The following CCNG2 variants were observed in gnomAD, a reference collection of about 807,000 sequenced individuals.
The protein encoded by CCNG2 is cyclin G2, also known as cyclin-G2.
Under a neutral mutation model 36.5 loss-of-function variants are expected in CCNG2, and 20 were observed. That is an observed-to-expected ratio of 0.55 (90% CI 0.39 to 0.80). CCNG2 has a LOEUF of 0.80. Among genes scored for constraint, CCNG2 ranks in the 30% least tolerant of loss-of-function variants. The pLI, the probability that CCNG2 is intolerant of heterozygous loss-of-function variation, is 0.00. For synonymous variants in CCNG2, 155 were observed against 140.1 expected, an observed-to-expected ratio of 1.11 and a Z score of -0.75; for missense variants, 358 against 390.8, an observed-to-expected ratio of 0.92 and a Z score of 0.71.
rs1241868587 is a variant in CCNG2 at position 77,165,782 on chromosome 4, T to G, written c.912-19T>G. The stretch of plus-strand genomic sequence containing the variant: ...TTTAAGTAATGGTATCCTCTTTTTT[T>G]GTCTCTTTTTCTCTTTAGTGAGGAC... On this transcript the variant is annotated intron_variant, in intron 7 of 7. Transcript: ENST00000316355. The G allele has an allele frequency of 1.3e-6, 2 of 1,533,836 alleles. No individual in the cohort carries two copies. Among genetic ancestry groups the G allele is most frequent in the Non-Finnish European group, 1.8e-6 (2 of 1,142,618 alleles).
rs753514383 is a variant in CCNG2 at position 77,164,261 on chromosome 4, A to G, written c.706-13A>G. ...AGACATTGCCGTAACCTCTTAAAAT[A>G]TTTTTTTTTCAGATTAATGACACTG... On this transcript the variant is annotated splice_polypyrimidine_tract_variant and intron_variant, in intron 6 of 7. Transcript: ENST00000316355. 1 of 1,585,078 alleles carries G rather than the reference A, an allele frequency of 6.3e-7. No homozygotes were observed. The highest frequency in any genetic ancestry group is 8.6e-7 in the Non-Finnish European group (1 of 1,156,390).
At chr4:77,160,539 G>T (rs897144072) in intron 3 of CCNG2, among the ~76,000 whole-genome samples, 182 bp from the exon 4 acceptor site, 27 of 149,654 alleles carry the variant, frequency 1.8e-4, no homozygotes, top group African/African-American at 5.4e-4. Context: ...TTTGGGGGGG[G>T]GGGGAGGTCG....
In CCNG2 at chr4:77,166,515, G is replaced by A. The variant is rs1731638563; in HGVS notation, c.*591G>A. On this transcript the variant is annotated 3_prime_UTR_variant, in exon 8 of 8. Transcript: ENST00000316355. ...TGACATTTCTGTGATTTTTATATAT[G>A]TAATGTCTTAATTGAGATTTCTGTT... 6.6e-6 allele frequency: 1 copy of A among 152,160 alleles called. No individual in the cohort carries two copies. Among genetic ancestry groups the A allele is most frequent in the Admixed American group, 6.5e-5 (1 of 15,282 alleles). 9.4% of individuals were successfully genotyped at this position (152,160 alleles called of 1,614,324 possible). A position where few individuals can be genotyped will look rare whatever the true frequency, so the allele number is the denominator to read the frequency against.
intron 1 of CCNG2, 82 bp downstream of exon 1, chr4:77,157,588 G>A (rs894197812): frequency 1.3e-5 from 2 of 152,610 alleles, no homozygotes; most frequent in African/African-American, 4.8e-5. Flanking sequence ...GGTACCATGC[G>A]AGTGCCTCGG....
Position 77,168,240 on chromosome 4 carries a change from C to CTT in CCNG2, c.*2317_*2318insTT, listed in dbSNP as rs934914791. On this transcript the variant is annotated 3_prime_UTR_variant, in exon 8 of 8. Coordinates refer to ENST00000316355, the MANE Select transcript of CCNG2 (RefSeq NM_004354.3). ...GCCTGTTTATGGAGGTCACCAGCCT[C>CTT]TATCATTTGTATGATTTCGTTTACA... is the stretch of plus-strand genomic sequence containing the variant. 12 of 152,364 alleles carry CTT rather than the reference C, an allele frequency of 7.9e-5. No homozygotes were observed. The highest frequency in any genetic ancestry group is 2.2e-4 in the African/African-American group (9 of 41,582). 9.4% of individuals were successfully genotyped at this position (152,364 alleles called of 1,614,324 possible). A position where few individuals can be genotyped will look rare whatever the true frequency, so the allele number is the denominator to read the frequency against.
intron 3 of CCNG2, among the ~76,000 whole-genome samples, 187 bp from the exon 4 acceptor site, chr4:77,160,534 G>A (rs529151434): frequency 2.0e-5 from 3 of 148,024 alleles, no homozygotes; most frequent in Non-Finnish European, 4.5e-5. Context: ...TTTTTTTTGG[G>A]GGGGGGGGGA....
At chr4:77,162,476 G>A (rs1731507112) in intron 6 of CCNG2, among the ~76,000 whole-genome samples, 1 of 149,600 alleles carries the variant, frequency 6.7e-6, no homozygotes, top group African/African-American at 2.5e-5. Flanking sequence ...TCAGCCTCTC[G>A]GGTTCAAGTG....
At chr4:77,159,930 C>G (rs945803548) in intron 3 of CCNG2, among the ~76,000 whole-genome samples, 1 of 152,126 alleles carries the variant, frequency 6.6e-6, no homozygotes, top group Non-Finnish European at 1.5e-5. Context: ...AGCAGGGAGC[C>G]ATGGTTTTAT....
rs536343544 is a variant in CCNG2, at chr4:77,162,408, A to G, written c.705+661A>G. ...TTTTTTTTTTTTTTTTTTTTGAGACAGTCTTGCTCTGTTGCCCAAGCTAGA... is the reference window on the plus strand; with the variant it reads ...TTTTTTTTTTTTTTTTTTTTGAGACGGTCTTGCTCTGTTGCCCAAGCTAGA... On this transcript the variant is annotated intron_variant, in intron 6 of 7. Transcript: ENST00000316355. Among the ~76,000 whole-genome samples, 3 of 115,076 alleles carry G rather than the reference A, an allele frequency of 2.6e-5. No individual in the cohort carries two copies. In the South Asian group the frequency reaches 8.1e-4, roughly 31 times the overall value. The allele number at this position is 115,076 out of a possible 152,430, so 75.5% of individuals were successfully genotyped here. A position where few individuals can be genotyped will look rare whatever the true frequency, so the allele number is the denominator to read the frequency against.
intron 4 of CCNG2, 51 bp downstream of exon 4, chr4:77,161,022 C>A: frequency 3.8e-6 from 5 of 1,305,882 alleles, no homozygotes; most frequent in Non-Finnish European, 3.1e-6. Context: ...CTATAGCTAA[C>A]AGTAAATAAT....
intron 3 of CCNG2, among the ~76,000 whole-genome samples, chr4:77,160,358 AC>A (rs1253702757): frequency 8.9e-6 from 1 of 112,762 alleles, no homozygotes; most frequent in Non-Finnish European, 1.7e-5. Context: ...GGTTCAAAAA[AC>A]TTTTTTTTTT....
chr4:77,158,413 G>A lies in CCNG2; in HGVS notation c.1-120G>A, dbSNP rs1022199773. ...GCGGACGTGACTGGTCCCTTCACCC[G>A]CTCCTTGTCGGGGTGTGCTGGGGCG... On this transcript the variant is annotated intron_variant, in intron 1 of 7. Transcript: ENST00000316355. 4 of 951,022 alleles carry A rather than the reference G, an allele frequency of 4.2e-6. No individual in the cohort carries two copies. In the Admixed American group the frequency reaches 6.1e-5, roughly 15 times the overall value. The allele number at this position is 951,022 out of a possible 1,614,324, so 58.9% of individuals were successfully genotyped here. A position where few individuals can be genotyped will look rare whatever the true frequency, so the allele number is the denominator to read the frequency against.
At chr4:77,159,220 C>A in intron 2 of CCNG2, 147 bp from the exon 3 acceptor site, 1 of 643,286 alleles carries the variant, frequency 1.6e-6, no homozygotes, top group Non-Finnish European at 2.6e-6. Flanking sequence ...TAAGCGATAC[C>A]ACTCTTTCCA....
At chr4:77,160,023 G>A (rs4150062) in intron 3 of CCNG2, among the ~76,000 whole-genome samples, 4 of 151,996 alleles carry the variant, frequency 2.6e-5, no homozygotes, top group African/African-American at 7.3e-5. Context: ...CAGTTCTCAG[G>A]GCACTGAAAA....
chr4:77,157,215 C>G lies in CCNG2; in HGVS notation c.-292C>G, dbSNP rs2109911539. 6.6e-6 allele frequency: 1 copy of G among 152,296 alleles called. No homozygotes were observed. Among genetic ancestry groups the G allele is most frequent in the Non-Finnish European group, 1.5e-5 (1 of 68,042 alleles). 9.4% of individuals were successfully genotyped at this position (152,296 alleles called of 1,614,324 possible). ...CCCTTGGGGGCGTCGAAACTCTTAA[C>G]AAAAACAAGGGGCTCGGGGAGGTTT... On this transcript the variant is annotated 5_prime_UTR_variant, in exon 1 of 8. Coordinates refer to ENST00000316355, the MANE Select transcript of CCNG2 (RefSeq NM_004354.3).
At chr4:77,161,216 C>T (rs1327675113) in intron 4 of CCNG2, among the ~76,000 whole-genome samples, 1 of 150,902 alleles carries the variant, frequency 6.6e-6, no homozygotes, top group Admixed American at 6.6e-5. Context: ...GATTCTCCTG[C>T]GTCAGCCTCC....
intron 6 of CCNG2, 77 bp downstream of exon 6, chr4:77,161,824 G>T (rs1376944270): frequency 2.4e-6 from 2 of 845,798 alleles, no homozygotes; most frequent in Non-Finnish European, 3.8e-6. Flanking sequence ...TAAACATTAA[G>T]TAATACTTTA....
Position 77,166,163 on chromosome 4 carries a change from T to G in CCNG2, c.*239T>G, listed in dbSNP as rs1731629902. ...AGACATTGGCACTTTATTTTTCTCG[T>G]AGATCTTTAGCTACTTTGGGGAGGA... On this transcript the variant is annotated 3_prime_UTR_variant, in exon 8 of 8. Coordinates refer to ENST00000316355, the MANE Select transcript of CCNG2 (RefSeq NM_004354.3). 3.4e-6 allele frequency: 1 copy of G among 293,346 alleles called. No homozygotes were observed. The allele number at this position is 293,346 out of a possible 1,614,324, so 18.2% of individuals were successfully genotyped here. A position where few individuals can be genotyped will look rare whatever the true frequency, so the allele number is the denominator to read the frequency against.
At position 77,159,367 on chromosome 4, in the gene CCNG2, AATG is replaced by A. The variant is rs781625967; in HGVS notation, c.142_144del (p.Asp48del). 1.4e-5 allele frequency: 23 copies of A among 1,602,422 alleles called. No individual in the cohort carries two copies. The highest frequency in any genetic ancestry group is 2.0e-5 in the Non-Finnish European group (23 of 1,174,892). On this transcript the variant is annotated inframe_deletion and splice_region_variant, in exon 3 of 8. Coordinates refer to ENST00000316355, the MANE Select transcript of CCNG2 (RefSeq NM_004354.3). ...CCTTGGTTCTTGGTTTTTATTGCAG[AATG>A]ATAACACTTTGTGTCCAGGATTGAG... is the stretch of plus-strand genomic sequence containing the variant.
Sources: gnomAD v4.1 joint callset for allele counts (sites outside exome capture counted in the v4.1 genomes callset) on GRCh38, gnomAD v4.1.1 for gene constraint, MANE v1.5 for transcripts, NCBI Gene and HGNC (gene_info 2026-07-23, HGNC 2026-07-21) for gene names.